Variants in HDAC9 observed in about 807,000 individuals in gnomAD.
The protein encoded by HDAC9 is MEF-2 interacting transcription repressor (MITR) protein.
HDAC9 carries 41 observed loss-of-function variants against 139.4 expected under a neutral mutation model. That is an observed-to-expected ratio of 0.29 (90% CI 0.23 to 0.38). HDAC9 has a LOEUF of 0.38. Ranked by LOEUF, HDAC9 falls within the 10% of genes least tolerant of loss-of-function variation. The pLI is 1.00. For missense variants in HDAC9, 1,147 were observed against 1,297.0 expected (o/e 0.88, Z 1.78); for synonymous variants, 517 against 476.2 (o/e 1.09, Z -1.12).
At chr7:18,936,751 TTAGA>T (rs907190029) in intron 23 of HDAC9, among the ~76,000 whole-genome samples, 5 of 152,220 alleles carry the variant, frequency 3.3e-5, no homozygotes, top group African/African-American at 9.6e-5. Context: ...ATTTTGCTTA[TTAGA>T]TAAACATATA....
chr7:18,347,295 A>G (rs1020630893), intron 1 of HDAC9, among the ~76,000 whole-genome samples: 10 of 152,202 alleles, frequency 6.6e-5, no homozygotes, highest in Admixed American at 3.3e-4. Context: ...TTCATTAGCA[A>G]CACTCTTAGT....
intron 2 of HDAC9, among the ~76,000 whole-genome samples, chr7:18,235,663 A>G (rs552495163): frequency 7.9e-5 from 12 of 152,356 alleles, no homozygotes; most frequent in African/African-American, 2.9e-4. Flanking sequence ...TCAAAGCATG[A>G]TCTCATACAT....
At chr7:18,640,215 T>G (rs948634958) in intron 8 of HDAC9, among the ~76,000 whole-genome samples, 2 of 148,722 alleles carry the variant, frequency 1.3e-5, no homozygotes, top group East Asian at 2.0e-4. Flanking sequence ...CTGGGCAACA[T>G]AGAAAGACCC....
intron 2 of HDAC9, among the ~76,000 whole-genome samples, chr7:18,217,468 T>C (rs1034073911): frequency 6.6e-6 from 1 of 152,208 alleles, no homozygotes; most frequent in Non-Finnish European, 1.5e-5. Flanking sequence ...AAAAGGTATT[T>C]GCATTGAATA....
chr7:18,199,606 T>C (rs962721020), intron 2 of HDAC9, among the ~76,000 whole-genome samples: 1 of 151,980 alleles, frequency 6.6e-6, no homozygotes, highest in Non-Finnish European at 1.5e-5. Flanking sequence ...GGCAACATAG[T>C]GCGACCTGTC....
intron 1 of HDAC9, among the ~76,000 whole-genome samples, chr7:18,332,102 G>A (rs1364061604): frequency 6.6e-6 from 1 of 151,530 alleles, no homozygotes; most frequent in East Asian, 1.9e-4. Context: ...TATTTTCTTT[G>A]GAGTTCGAAT....
Position 18,239,953 on chromosome 7 carries a change from GT to G in HDAC9, c.25+77621del, listed in dbSNP as rs34044255. Reference sequence around the variant, plus strand: ...GCCTTTCCTGTGATAGGTGCTGCATGTTTTTTTTTTTTTTTTTCTGGATAAT... The same window carrying G: ...GCCTTTCCTGTGATAGGTGCTGCATGTTTTTTTTTTTTTTTTCTGGATAAT... On this transcript the variant is annotated intron_variant, in intron 2 of 12. Coordinates refer to the HDAC9 transcript ENST00000417496. Among the ~76,000 whole-genome samples the G allele has an allele frequency of 8.9e-3, 1,186 of 132,924 alleles. 15 individuals are homozygous for G. The highest frequency in any genetic ancestry group is 0.025 in the African/African-American group (915 of 36,302). 87.2% of individuals were successfully genotyped at this position (132,924 alleles called of 152,430 possible).
At chr7:18,378,938 T>A (rs895215694) in intron 1 of HDAC9, among the ~76,000 whole-genome samples, 3 of 152,132 alleles carry the variant, frequency 2.0e-5, no homozygotes, top group African/African-American at 7.2e-5. Flanking sequence ...GTTATCTGAT[T>A]TATGGGCACA....
chr7:18,602,113 A>G (rs1458924926), intron 6 of HDAC9, among the ~76,000 whole-genome samples: 1 of 152,072 alleles, frequency 6.6e-6, no homozygotes. Context: ...TTGGAAGGTT[A>G]TTAATTATTG....
chr7:18,547,924 C>T (rs193160206), intron 2 of HDAC9, among the ~76,000 whole-genome samples: 48 of 144,792 alleles, frequency 3.3e-4, no homozygotes, highest in African/African-American at 1.2e-3. Flanking sequence ...TCCCTCTCTC[C>T]CTCCCTCCAT....
intron 1 of HDAC9, among the ~76,000 whole-genome samples, chr7:18,149,982 C>G (rs1205133870): frequency 6.6e-6 from 1 of 152,136 alleles, no homozygotes; most frequent in East Asian, 1.9e-4. Context: ...CAGGTGTAAT[C>G]TAAAGTGCTC....
chr7:18,225,800 A>T (rs948609979), intron 2 of HDAC9, among the ~76,000 whole-genome samples: 24 of 152,126 alleles, frequency 1.6e-4, no homozygotes, highest in Admixed American at 5.9e-4. Context: ...TTGTTCCTTG[A>T]TTTTTAAATA....
At chr7:18,912,920 G>C (rs1802865936) in intron 22 of HDAC9, among the ~76,000 whole-genome samples, 1 of 152,028 alleles carries the variant, frequency 6.6e-6, no homozygotes, top group Non-Finnish European at 1.5e-5. Flanking sequence ...TGTTCTGCTA[G>C]AGCTTAAATA....
chr7:18,094,555 C>A (rs1368720873), intron 1 of HDAC9, among the ~76,000 whole-genome samples: 2 of 142,146 alleles, frequency 1.4e-5, no homozygotes. Context: ...GTCAGCCTCC[C>A]AAGTAGCTAG....
chr7:18,798,593 G>A (rs1793008792), intron 17 of HDAC9, among the ~76,000 whole-genome samples: 1 of 152,168 alleles, frequency 6.6e-6, no homozygotes, highest in South Asian at 2.1e-4. Context: ...CTCAATCCTA[G>A]AGAATTGTCA....
intron 6 of HDAC9, among the ~76,000 whole-genome samples, chr7:18,622,122 G>A (rs1359608813): frequency 1.3e-5 from 2 of 152,170 alleles, no homozygotes; most frequent in Non-Finnish European, 2.9e-5. Context: ...GGAGGAGATA[G>A]CAGGAGAAAC....
At chr7:18,092,912 A>G (rs1216690946) in intron 1 of HDAC9, among the ~76,000 whole-genome samples, 1 of 152,168 alleles carries the variant, frequency 6.6e-6, no homozygotes, top group Non-Finnish European at 1.5e-5. Flanking sequence ...TTAGTCCCTA[A>G]ATATATTCCA....
At chr7:18,555,356 G>T (rs117858349) in intron 2 of HDAC9, among the ~76,000 whole-genome samples, 1 of 152,250 alleles carries the variant, frequency 6.6e-6, no homozygotes, top group South Asian at 2.1e-4. Context: ...AAAAAATTCC[G>T]AAGTCTTCAA....
chr7:18,260,489 T>G (rs1034453395), intron 2 of HDAC9: 2 of 152,458 alleles, frequency 1.3e-5, no homozygotes, highest in African/African-American at 4.8e-5. Flanking sequence ...CAGCTAATTT[T>G]TTGTGTTTTT....
Sources: allele counts gnomAD v4.1 joint callset (sites outside exome capture counted in the v4.1 genomes callset), GRCh38; gene constraint gnomAD v4.1.1; transcripts MANE v1.5; gene names NCBI Gene and HGNC (gene_info 2026-07-23, HGNC 2026-07-21).